Variants in DENND2A observed in about 807,000 individuals in gnomAD.
The protein encoded by DENND2A is DENN domain containing 2A.
In DENND2A, 53 loss-of-function variants were observed where a neutral mutation model predicts 105.3. The observed-to-expected ratio is 0.50, with a 90% CI of 0.40 to 0.63. The LOEUF (loss-of-function observed/expected upper bound fraction) is 0.63, where lower values mean the gene tolerates loss of function less well. Among genes scored for constraint, DENND2A ranks in the 30% least tolerant of loss-of-function variants. The pLI is 0.00. For missense variants in DENND2A, 1,138 were observed against 1,279.6 expected, an observed-to-expected ratio of 0.89 and a Z score of 1.69; for synonymous variants, 522 against 508.4, an observed-to-expected ratio of 1.03 and a Z score of -0.36.
chr7:140,585,690 G>C lies in DENND2A; in HGVS notation c.1144C>G (p.Pro382Ala), dbSNP rs751166833. ...CCATGTAACTCGATGTCCTCATAAGGGTTCTCCTTCATTGGCGGATCTGTG... is the reference window on the plus strand; with the variant it reads ...CCATGTAACTCGATGTCCTCATAAGCGTTCTCCTTCATTGGCGGATCTGTG... ...DILDPPMKEN[P>A]YEDIELHGRC... The change falls in exon 5 of 20, where the codon CCT becomes GCT. Residue 382 changes from proline (P) to alanine (A), a missense_variant. Transcript: ENST00000496613. The C allele has an allele frequency of 1.2e-6, 2 of 1,614,166 alleles. No homozygotes were observed. Among genetic ancestry groups the C allele is most frequent in the East Asian group, 2.2e-5 (1 of 44,882 alleles).
At chr7:140,519,232 A>G (rs1460162583) in intron 19 of DENND2A, among the ~76,000 whole-genome samples, 1 of 151,664 alleles carries the variant, frequency 6.6e-6, no homozygotes, top group African/African-American at 2.4e-5. Flanking sequence ...GGGCCTTTTC[A>G]CTGATTAAAC....
Position 140,602,823 on chromosome 7 carries a change from T to A in DENND2A, c.-145-281A>T, listed in dbSNP as rs192171690. ...CCCCCATCTCTACAAAAATTTTTTT[T>A]AAAAACTCAATTTGTGTTTTCCTTG... On this transcript the variant is annotated intron_variant, in intron 2 of 19. Coordinates refer to ENST00000496613, the MANE Select transcript of DENND2A (RefSeq NM_015689.5). 1.6e-3 allele frequency among the ~76,000 whole-genome samples: 249 copies of A among 152,020 alleles called. 5 individuals are homozygous for A. The East Asian group carries it at 0.041, about 25-fold the overall frequency.
At chr7:140,631,421 A>G (rs969917703) in intron 1 of DENND2A, among the ~76,000 whole-genome samples, 2 of 151,918 alleles carry the variant, frequency 1.3e-5, no homozygotes, top group Non-Finnish European at 2.9e-5. Context: ...TCAGTTCTGT[A>G]CCAGACCAGG....
intron 1 of DENND2A, among the ~76,000 whole-genome samples, chr7:140,623,229 T>G (rs1188328185): frequency 1.4e-5 from 2 of 146,188 alleles, no homozygotes; most frequent in African/African-American, 5.1e-5. Flanking sequence ...GCAGAAGGAT[T>G]GATTGAACCC....
At position 140,567,306 on chromosome 7, in the gene DENND2A, GAGA is replaced by G. The variant is rs745624321; in HGVS notation, c.1592-36_1592-34del. 7.9e-5 allele frequency: 37 copies of G among 466,550 alleles called. No homozygotes were observed. In the African/African-American group the frequency reaches 1.0e-3, roughly 13 times the overall value. 28.9% of individuals were successfully genotyped at this position (466,550 alleles called of 1,614,324 possible). A position where few individuals can be genotyped will look rare whatever the true frequency, so the allele number is the denominator to read the frequency against. On this transcript the variant is annotated intron_variant, in intron 8 of 19. Coordinates refer to ENST00000496613, the MANE Select transcript of DENND2A (RefSeq NM_015689.5). ...AGGGAGGGAGAGAGAAAGAGAGAAA[GAGA>G]GAGAGAGAGAGAGAGAGAGAGAGAG...
chr7:140,524,883 T>A (rs1416078521), intron 16 of DENND2A, among the ~76,000 whole-genome samples: 1 of 147,638 alleles, frequency 6.8e-6, no homozygotes, highest in Non-Finnish European at 1.5e-5. Flanking sequence ...AGGGCAAATA[T>A]TCTTTTTTTT....
intron 14 of DENND2A, among the ~76,000 whole-genome samples, chr7:140,540,000 T>C (rs1313017373): frequency 1.3e-5 from 2 of 152,208 alleles, no homozygotes; most frequent in African/African-American, 4.8e-5. Context: ...CGGGGCCGCG[T>C]CTTATGAACG....
chr7:140,524,523 C>T (rs958625782), intron 16 of DENND2A, among the ~76,000 whole-genome samples: 3 of 152,056 alleles, frequency 2.0e-5, no homozygotes, highest in Non-Finnish European at 2.9e-5. Context: ...AGTGCACGTG[C>T]GTGCGCGCAC....
At chr7:140,579,726 G>A (rs747449771) in intron 5 of DENND2A, among the ~76,000 whole-genome samples, 6 of 152,160 alleles carry the variant, frequency 3.9e-5, no homozygotes, top group Non-Finnish European at 7.3e-5. Context: ...CACGAGATGT[G>A]TGTGAGAAAA....
Position 140,601,489 on chromosome 7 carries a change from AG to A in DENND2A, c.908del (p.Pro303LeufsTer14), listed in dbSNP as rs1799485914. ...KRNLPPLPSL[P>X]PPPLPSSPPP... is the part of the protein sequence containing the mutation. Reference sequence around the variant, plus strand: ...GGGGAGAGGAGGGCAGAGGCGGGGGAGGTAGAGAGGGCAGAGGAGGCAGATT... The same window carrying A: ...GGGGAGAGGAGGGCAGAGGCGGGGGAGTAGAGAGGGCAGAGGAGGCAGATT... On this transcript the variant is annotated frameshift_variant, in exon 3 of 20. Transcript: ENST00000496613. LOFTEE classifies it high-confidence loss of function. The A allele has an allele frequency of 1.3e-6, 2 of 1,590,700 alleles. No individual in the cohort carries two copies. The highest frequency in any genetic ancestry group is 1.7e-6 in the Non-Finnish European group (2 of 1,169,530).
intron 3 of DENND2A, among the ~76,000 whole-genome samples, chr7:140,594,444 AC>A (rs949026449): frequency 6.6e-6 from 1 of 150,808 alleles, no homozygotes; most frequent in African/African-American, 2.4e-5. Flanking sequence ...CTGAACGTCC[AC>A]TCCCCACCCT....
intron 9 of DENND2A, among the ~76,000 whole-genome samples, chr7:140,563,771 C>T (rs894334369): frequency 6.8e-6 from 1 of 147,668 alleles, no homozygotes; most frequent in Non-Finnish European, 1.5e-5. Context: ...CTCAGGAATT[C>T]GAGGCCAGCC....
chr7:140,532,545 A>T (rs1399360448), intron 14 of DENND2A, among the ~76,000 whole-genome samples: 3 of 152,244 alleles, frequency 2.0e-5, no homozygotes, highest in Non-Finnish European at 4.4e-5. Flanking sequence ...GAATGACAGA[A>T]TTTAGACCTG....
intron 2 of DENND2A, among the ~76,000 whole-genome samples, chr7:140,602,749 G>A (rs1454781096): frequency 9.9e-5 from 15 of 151,978 alleles, no homozygotes; most frequent in Admixed American, 9.8e-4. Context: ...GAGGTGGGAG[G>A]ATCACTTGAG....
Position 140,559,632 on chromosome 7 carries a change from G to A in DENND2A, c.1889+76C>T. 5 of 1,044,016 alleles carry A rather than the reference G, an allele frequency of 4.8e-6. No individual in the cohort carries two copies. Among genetic ancestry groups the A allele is most frequent in the Non-Finnish European group, 7.4e-6 (5 of 676,436 alleles). The allele number at this position is 1,044,016 out of a possible 1,614,324, so 64.7% of individuals were successfully genotyped here. On this transcript the variant is annotated intron_variant, in intron 10 of 19. Transcript: ENST00000496613. The surrounding 1 kb of genome is among the most constrained non-coding windows in gnomAD (Gnocchi z 4.1). ...ACTTAACGGTGGGAATGACTCATGTGGTCTGCCACCTGTAACCCCGTCTCT... is the reference window on the plus strand; with the variant it reads ...ACTTAACGGTGGGAATGACTCATGTAGTCTGCCACCTGTAACCCCGTCTCT...
At position 140,553,801 on chromosome 7, in the gene DENND2A, C is replaced by T. The variant is rs920893411; in HGVS notation, c.2037+1835G>A. On this transcript the variant is annotated intron_variant, in intron 12 of 19. Transcript: ENST00000496613. The stretch of plus-strand genomic sequence containing the variant: ...TGGACACAGCACGTTTCAGAGAGCA[C>T]GGCGTTGGGGGTAAGGTTATAGATT... 4.6e-5 allele frequency among the ~76,000 whole-genome samples: 7 copies of T among 152,324 alleles called. No homozygotes were observed. In the South Asian group the frequency reaches 8.3e-4, roughly 18 times the overall value.
At chr7:140,596,611 A>G (rs563783222) in intron 3 of DENND2A, among the ~76,000 whole-genome samples, 1 of 152,334 alleles carries the variant, frequency 6.6e-6, no homozygotes, top group South Asian at 2.1e-4. Context: ...CGTCCTCAAG[A>G]AGTTCTGAAA....
intron 2 of DENND2A, among the ~76,000 whole-genome samples, chr7:140,604,197 G>A (rs1213330978): frequency 6.6e-6 from 1 of 152,250 alleles, no homozygotes; most frequent in African/African-American, 2.4e-5. Context: ...GGATGAATAA[G>A]TAGCAATTTC....
intron 14 of DENND2A, among the ~76,000 whole-genome samples, chr7:140,537,852 T>C (rs1049626122): frequency 1.3e-5 from 2 of 152,196 alleles, no homozygotes; most frequent in African/African-American, 4.8e-5. Context: ...GCTCTGACTT[T>C]ATCATTCAGC....
Sources: allele counts gnomAD v4.1 joint callset (sites outside exome capture counted in the v4.1 genomes callset), GRCh38; gene constraint gnomAD v4.1.1; non-coding constraint Gnocchi (gnomAD v3.1); transcripts MANE v1.5; gene names NCBI Gene and HGNC (gene_info 2026-07-23, HGNC 2026-07-21).